Variants in SAMD3 observed in about 807,000 individuals in gnomAD.
SAMD3 encodes the protein sterile alpha motif domain containing 3, also known as sterile alpha motif domain-containing protein 3.
A neutral mutation model predicts 58.5 loss-of-function variants in SAMD3; 63 were observed. That is an observed-to-expected ratio of 1.08 (90% CI 0.88 to 1.33). SAMD3 has a LOEUF of 1.33. Ranked by LOEUF, SAMD3 falls within the 40% of genes most tolerant of loss-of-function variation. The pLI, the probability that SAMD3 is intolerant of heterozygous loss-of-function variation, is 0.00. For synonymous variants in SAMD3, 220 were observed against 210.3 expected, an observed-to-expected ratio of 1.05 and a Z score of -0.40; for missense variants, 604 against 608.4, an observed-to-expected ratio of 0.99 and a Z score of 0.08.
At chr6:130,301,476 G>T (rs769807833) in intron 2 of SAMD3, among the ~76,000 whole-genome samples, 20 of 152,052 alleles carry the variant, frequency 1.3e-4, no homozygotes, top group Non-Finnish European at 2.8e-4. Flanking sequence ...TGAACAAGAA[G>T]AATCAATATC....
intron 2 of SAMD3, among the ~76,000 whole-genome samples, chr6:130,301,562 C>T (rs1775748870): frequency 6.6e-6 from 1 of 152,012 alleles, no homozygotes; most frequent in South Asian, 2.1e-4. Context: ...GCCATTTTTT[C>T]ACAGAATTAG....
intron 2 of SAMD3, among the ~76,000 whole-genome samples, chr6:130,279,391 T>C (rs1774902065): frequency 6.6e-6 from 1 of 152,038 alleles, no homozygotes; most frequent in Non-Finnish European, 1.5e-5. Flanking sequence ...CTGGCACTCA[T>C]TCTCTCTCCT....
rs11966470 is a variant in SAMD3, at chr6:130,275,694, A to C, written c.-188+37284T>G. Among the ~76,000 whole-genome samples the C allele has an allele frequency of 4.9e-3, 744 of 152,192 alleles. 10 individuals are homozygous for C. Among genetic ancestry groups the C allele is most frequent in the African/African-American group, 0.015 (626 of 41,560 alleles). On this transcript the variant is annotated intron_variant, in intron 2 of 13. Coordinates refer to the SAMD3 transcript ENST00000368134. ...AAATCACCTATTTGGTCTTGATTCA[A>C]ATTTTTATTTTCCTGATCTTCAAGT...
At chr6:130,282,176 G>C (rs1775004402) in intron 2 of SAMD3, among the ~76,000 whole-genome samples, 1 of 152,100 alleles carries the variant, frequency 6.6e-6, no homozygotes, top group South Asian at 2.1e-4. Context: ...AGGGAGATGG[G>C]GGGTAGAGAG....
intron 5 of SAMD3, among the ~76,000 whole-genome samples, chr6:130,192,410 A>G (rs917059561): frequency 6.6e-6 from 1 of 152,112 alleles, no homozygotes; most frequent in African/African-American, 2.4e-5. Context: ...ACATTCCACC[A>G]CAAAAGAAGT....
intron 2 of SAMD3, among the ~76,000 whole-genome samples, chr6:130,281,516 T>C (rs1774980337): frequency 6.6e-6 from 1 of 152,142 alleles, no homozygotes; most frequent in Non-Finnish European, 1.5e-5. Flanking sequence ...TTCTTCATTT[T>C]TCCACTCTCT....
chr6:130,295,348 G>A (rs1775535697), intron 2 of SAMD3, among the ~76,000 whole-genome samples: 2 of 152,142 alleles, frequency 1.3e-5, no homozygotes, highest in African/African-American at 4.8e-5. Context: ...TGCAGAGGTA[G>A]GGCATGCCTC....
chr6:130,246,620 CG>C (rs1773555795), intron 2 of SAMD3, among the ~76,000 whole-genome samples: 1 of 151,958 alleles, frequency 6.6e-6, no homozygotes, highest in South Asian at 2.1e-4. Flanking sequence ...ACAGTTTGGC[CG>C]GGCTCATGCT....
chr6:130,204,840 A>G (rs965264642), intron 5 of SAMD3, among the ~76,000 whole-genome samples: 6 of 151,900 alleles, frequency 3.9e-5, no homozygotes, highest in Admixed American at 1.3e-4. Context: ...GAGGAAAAAA[A>G]AAATCACAAG....
intron 1 of SAMD3, among the ~76,000 whole-genome samples, chr6:130,316,423 A>G (rs1776373535): frequency 6.6e-6 from 1 of 152,088 alleles, no homozygotes; most frequent in Non-Finnish European, 1.5e-5. Flanking sequence ...AGAGTGTGCT[A>G]TAGGTTATTT....
At chr6:130,224,039 T>C (rs1265875922), upstream of SAMD3, among the ~76,000 whole-genome samples, 1 of 152,092 alleles carries the variant, frequency 6.6e-6, no homozygotes, top group African/African-American at 2.4e-5. Flanking sequence ...TCTCAGCAGA[T>C]GGATGGGATC....
At chr6:130,214,820 A>G (rs1795892264) in intron 3 of SAMD3, among the ~76,000 whole-genome samples, 1 of 152,198 alleles carries the variant, frequency 6.6e-6, no homozygotes. Flanking sequence ...TAAGGAAAAA[A>G]AACTTAGGAA....
chr6:130,189,384 A>C (rs992160375), intron 5 of SAMD3, among the ~76,000 whole-genome samples: 2 of 152,210 alleles, frequency 1.3e-5, no homozygotes, highest in Non-Finnish European at 2.9e-5. Context: ...GGAAGAGGTC[A>C]GTGCCTTGAT....
At position 130,214,400 on chromosome 6, in the gene SAMD3, C is replaced by T. The variant is rs143283725; in HGVS notation, c.206G>A (p.Gly69Glu). The change falls in exon 4 of 12, where the codon GGA (glycine) becomes GAA (glutamate). Residue 69 changes from glycine to glutamate, a missense_variant. By Grantham distance (98) the Gly-to-Glu change is moderately conservative (BLOSUM62 -2). Coordinates refer to ENST00000439090, the MANE Select transcript of SAMD3 (RefSeq NM_001017373.4). ...TTTGGGGTTTTCTGGGGACTTCAGT[C>T]CTTGAGTGTTCTGCTTGTATTTTTT... is the stretch of plus-strand genomic sequence containing the variant. ...LIKKYKQNTQ[G>E]LKSPENPKKA... The T allele has an allele frequency of 1.5e-4, 249 of 1,612,576 alleles. 2 individuals carry two copies. Among genetic ancestry groups the T allele is most frequent in the Non-Finnish European group, 4.6e-5 (54 of 1,179,354 alleles).
chr6:130,209,540 T>G lies in SAMD3; in HGVS notation c.338A>C (p.Glu113Ala), dbSNP rs1237601326. 1 of 1,613,784 alleles carries G rather than the reference T, an allele frequency of 6.2e-7. No homozygotes were observed. The highest frequency in any genetic ancestry group is 8.5e-7 in the Non-Finnish European group (1 of 1,179,782). The change falls in exon 5 of 12, where the codon GAA (glutamate) becomes GCA (alanine). Residue 113 changes from glutamate (E) to alanine (A), a missense_variant. Physicochemically the swap from Glu to Ala is moderately radical, Grantham distance 107. Transcript: ENST00000439090. ...GEQMPSFYPA[E>A]NLDNGLIDQR... ...GTCAATTAGTCCATTATCAAGGTTT[T>G]CAGCTGGATAGAAAGATGGCATCTG...
intron 1 of SAMD3, among the ~76,000 whole-genome samples, chr6:130,322,568 A>G (rs7751841): frequency 0.45 from 67,959 of 152,032 alleles, 17,564 homozygotes; most frequent in African/African-American, 0.72. Context: ...CTCGGGAGGC[A>G]GAAGTTGCAG....
intron 1 of SAMD3, among the ~76,000 whole-genome samples, chr6:130,352,841 A>G (rs1777719741): frequency 6.6e-6 from 1 of 152,226 alleles, no homozygotes; most frequent in Non-Finnish European, 1.5e-5. Context: ...CTCTTATATT[A>G]ATGAGCTTTA....
intron 2 of SAMD3, among the ~76,000 whole-genome samples, chr6:130,304,416 C>T (rs1031124258): frequency 4.6e-5 from 7 of 152,068 alleles, no homozygotes; most frequent in African/African-American, 1.7e-4. Context: ...GTGATTCACC[C>T]GCCTCGGCCT....
At chr6:130,240,900 A>G (rs1397211694) in intron 2 of SAMD3, among the ~76,000 whole-genome samples, 1 of 152,144 alleles carries the variant, frequency 6.6e-6, no homozygotes, top group Non-Finnish European at 1.5e-5. Context: ...CAAGTATTCT[A>G]TTATAGCAGC....
Sources: allele counts gnomAD v4.1 joint callset (sites outside exome capture counted in the v4.1 genomes callset), GRCh38; gene constraint gnomAD v4.1.1; transcripts MANE v1.5; gene names NCBI Gene and HGNC (gene_info 2026-07-23, HGNC 2026-07-21).